ZBTB8A: variants seen among roughly 807,000 people sequenced by gnomAD.
ZBTB8A encodes zinc finger and BTB domain-containing protein 8A.
In ZBTB8A, 19 loss-of-function variants were observed where a neutral mutation model predicts 37.8. That is an observed-to-expected ratio of 0.50 (90% CI 0.35 to 0.74). The LOEUF (loss-of-function observed/expected upper bound fraction) is 0.74. ZBTB8A is among the 30% of genes least tolerant of loss of function. The probability of loss-of-function intolerance (pLI) is 0.01; values close to 1 mark genes in which losing one functional copy is unlikely to be tolerated. For missense variants in ZBTB8A, 394 were observed against 537.8 expected, an observed-to-expected ratio of 0.73 and a Z score of 2.65; for synonymous variants, 181 against 185.2, an observed-to-expected ratio of 0.98 and a Z score of 0.19.
intron 2 of ZBTB8A, among the ~76,000 whole-genome samples, chr1:32,580,365 C>T (rs1644393979): frequency 6.6e-6 from 1 of 151,990 alleles, no homozygotes; most frequent in Non-Finnish European, 1.5e-5. Flanking sequence ...CGAGACAAGC[C>T]TGGCCAACAT....
chr1:32,564,866 A>G (rs756820856), intron 2 of ZBTB8A, among the ~76,000 whole-genome samples: 4 of 152,192 alleles, frequency 2.6e-5, no homozygotes, highest in Admixed American at 2.0e-4. Context: ...AACAATCCTC[A>G]GAGATCATAC....
intron 2 of ZBTB8A, among the ~76,000 whole-genome samples, chr1:32,556,866 ACT>A (rs1163306667): frequency 7.9e-5 from 12 of 151,628 alleles, no homozygotes; most frequent in Admixed American, 4.6e-4. Context: ...ACAGAGCAAG[ACT>A]CTGTCTCAAC....
chr1:32,600,006 A>G lies in ZBTB8A; in HGVS notation c.994-81A>G. On this transcript the variant is annotated intron_variant, in intron 4 of 4. Coordinates refer to ENST00000373510, the MANE Select transcript of ZBTB8A (RefSeq NM_001040441.3). The stretch of plus-strand genomic sequence containing the variant: ...TTAATGCATGGCTTTGAACATCTTA[A>G]GTTTATGAACTGGTACCTAAAATAT... 6.2e-6 allele frequency: 7 copies of G among 1,134,386 alleles called. No individual in the cohort carries two copies. The South Asian group carries it at 1.1e-4, about 18-fold the overall frequency. 70.3% of individuals were successfully genotyped at this position (1,134,386 alleles called of 1,614,324 possible).
At chr1:32,544,117 C>T (rs749161982) in intron 1 of ZBTB8A, among the ~76,000 whole-genome samples, 7 of 152,210 alleles carry the variant, frequency 4.6e-5, no homozygotes, top group Admixed American at 6.5e-5. Context: ...TACAGGCTCA[C>T]GCCACCGTTC....
chr1:32,588,989 A>C (rs1644468551), intron 2 of ZBTB8A, among the ~76,000 whole-genome samples: 1 of 151,982 alleles, frequency 6.6e-6, no homozygotes, highest in Non-Finnish European at 1.5e-5. Flanking sequence ...ATCTCAAAAA[A>C]AAAAGTGGTT....
chr1:32,573,432 CTT>C lies in ZBTB8A; in HGVS notation c.-1-19486_-1-19485del, dbSNP rs113989867. Among the ~76,000 whole-genome samples, 108 of 123,634 alleles carry C rather than the reference CTT, an allele frequency of 8.7e-4. 1 individual carries two copies. The highest frequency in any genetic ancestry group is 2.8e-3 in the African/African-American group (87 of 30,732). The allele number at this position is 123,634 out of a possible 152,430, so 81.1% of individuals were successfully genotyped here. Reference sequence around the variant, plus strand: ...TTAATTTTTTCAGAACTTTCTTCTTCTTTTTTTTTTTTTTAATTGAGAAAGGT... The same window carrying C: ...TTAATTTTTTCAGAACTTTCTTCTTCTTTTTTTTTTTTAATTGAGAAAGGT... On this transcript the variant is annotated intron_variant, in intron 2 of 4. Coordinates refer to ENST00000373510, the MANE Select transcript of ZBTB8A (RefSeq NM_001040441.3).
chr1:32,581,430 C>A (rs924078775), intron 2 of ZBTB8A, among the ~76,000 whole-genome samples: 4 of 148,446 alleles, frequency 2.7e-5, no homozygotes, highest in African/African-American at 1.0e-4. Context: ...TGGCTCACTG[C>A]AACCTCCATC....
intron 4 of ZBTB8A, among the ~76,000 whole-genome samples, chr1:32,597,170 T>G (rs1450566299): frequency 6.6e-6 from 1 of 152,050 alleles, no homozygotes; most frequent in African/African-American, 2.4e-5. Context: ...AGTTTTTGTA[T>G]TTTTAGTAGA....
intron 2 of ZBTB8A, among the ~76,000 whole-genome samples, chr1:32,579,475 A>G (rs941047042): frequency 6.6e-5 from 10 of 151,936 alleles, no homozygotes; most frequent in South Asian, 2.1e-4. Flanking sequence ...GAAAAGAAAA[A>G]AAACAACTTA....
chr1:32,589,693 G>T (rs950308417), intron 2 of ZBTB8A, among the ~76,000 whole-genome samples: 3 of 151,820 alleles, frequency 2.0e-5, no homozygotes, highest in African/African-American at 7.3e-5. Flanking sequence ...GGGATTACAG[G>T]TAGGCACCGC....
intron 2 of ZBTB8A, among the ~76,000 whole-genome samples, chr1:32,581,076 G>A (rs1644399484): frequency 9.0e-6 from 1 of 111,106 alleles, no homozygotes; most frequent in African/African-American, 3.5e-5. Context: ...CAATGCTCAA[G>A]GATTATATAT....
intron 2 of ZBTB8A, among the ~76,000 whole-genome samples, chr1:32,590,369 A>G (rs1248560128): frequency 6.6e-6 from 1 of 152,082 alleles, no homozygotes; most frequent in African/African-American, 2.4e-5. Flanking sequence ...GGGCCCTGCA[A>G]AGACAAACTT....
In ZBTB8A at chr1:32,602,264, G is replaced by A. The variant is rs1366859903; in HGVS notation, c.*1845G>A. The A allele has an allele frequency of 2.7e-5, 4 of 150,706 alleles. No homozygotes were observed. The highest frequency in any genetic ancestry group is 9.8e-5 in the African/African-American group (4 of 40,936). 9.3% of individuals were successfully genotyped at this position (150,706 alleles called of 1,614,324 possible). A position where few individuals can be genotyped will look rare whatever the true frequency, so the allele number is the denominator to read the frequency against. ...GATAGCTTGAACCCAGGAGGCAGAG[G>A]CTGCGGTGGGCTGAGGTTGCGCCAT... On this transcript the variant is annotated 3_prime_UTR_variant, in exon 5 of 5. Transcript: ENST00000373510.
rs1644577948 is a variant in ZBTB8A, at chr1:32,601,786, A to G, written c.*1367A>G. On this transcript the variant is annotated 3_prime_UTR_variant, in exon 5 of 5. Transcript: ENST00000373510. ...TAAAAATAAGCCAATCAGAATTAGA[A>G]AGTATGAAAGGAGGAATTGAATCAT... 1 of 397,598 alleles carries G rather than the reference A, an allele frequency of 2.5e-6. No individual in the cohort carries two copies. The highest frequency in any genetic ancestry group is 4.4e-5 in the Admixed American group (1 of 22,688). 24.6% of individuals were successfully genotyped at this position (397,598 alleles called of 1,614,324 possible).
intron 1 of ZBTB8A, among the ~76,000 whole-genome samples, chr1:32,540,556 TA>T (rs1644044881): frequency 6.6e-6 from 1 of 152,126 alleles, no homozygotes; most frequent in African/African-American, 2.4e-5. Context: ...AGGGTGACCA[TA>T]GCCGCCCAGG....
In ZBTB8A at chr1:32,601,830, T is replaced by C. The variant is rs1644578207; in HGVS notation, c.*1411T>C. Reference sequence around the variant, plus strand: ...GAATCATTTTCAACAACATACAATATCTTGATCTAGAGATTTTCAAATAAT... The same window carrying C: ...GAATCATTTTCAACAACATACAATACCTTGATCTAGAGATTTTCAAATAAT... On this transcript the variant is annotated 3_prime_UTR_variant, in exon 5 of 5. Coordinates refer to ENST00000373510, the MANE Select transcript of ZBTB8A (RefSeq NM_001040441.3). The C allele has an allele frequency of 2.5e-6, 1 of 396,410 alleles. No homozygotes were observed. Among genetic ancestry groups the C allele is most frequent in the African/African-American group, 2.1e-5 (1 of 48,602 alleles). 24.6% of individuals were successfully genotyped at this position (396,410 alleles called of 1,614,324 possible). A position where few individuals can be genotyped will look rare whatever the true frequency, so the allele number is the denominator to read the frequency against.
At chr1:32,551,618 A>G (rs886443924) in intron 1 of ZBTB8A, among the ~76,000 whole-genome samples, 1 of 152,154 alleles carries the variant, frequency 6.6e-6, no homozygotes, top group African/African-American at 2.4e-5. Context: ...AGGCTGAGGC[A>G]GGATCACTTG....
chr1:32,556,606 A>G (rs948063760), intron 2 of ZBTB8A, among the ~76,000 whole-genome samples: 1 of 152,122 alleles, frequency 6.6e-6, no homozygotes, highest in East Asian at 1.9e-4. Context: ...GGCCGGGCAC[A>G]GTGGCTCACG....
chr1:32,583,988 C>T (rs976068575), intron 2 of ZBTB8A, among the ~76,000 whole-genome samples: 11 of 152,078 alleles, frequency 7.2e-5, no homozygotes, highest in African/African-American at 1.9e-4. Flanking sequence ...GAACTCTTGA[C>T]CTTAAGTGAT....
Sources: gnomAD v4.1 joint callset for allele counts (sites outside exome capture counted in the v4.1 genomes callset) on GRCh38, gnomAD v4.1.1 for gene constraint, MANE v1.5 for transcripts, NCBI Gene and HGNC (gene_info 2026-07-23, HGNC 2026-07-21) for gene names.